Variants in DCLK1 observed in about 807,000 individuals in gnomAD.
DCLK1 encodes doublecortin like kinase 1.
A neutral mutation model predicts 86.2 loss-of-function variants in DCLK1; 16 were observed. That is an observed-to-expected ratio of 0.19 (90% CI 0.13 to 0.28). The LOEUF is 0.28. DCLK1 is among the 10% of genes least tolerant of loss of function. The pLI, the probability that DCLK1 is intolerant of heterozygous loss-of-function variation, is 1.00. For missense variants in DCLK1, 590 were observed against 940.2 expected (o/e 0.63, Z 4.87); for synonymous variants, 369 against 370.5 (o/e 1.00, Z 0.05).
At chr13:36,061,750 A>T (rs139977194) in intron 3 of DCLK1, among the ~76,000 whole-genome samples, 43 of 152,334 alleles carry the variant, frequency 2.8e-4, no homozygotes, top group Non-Finnish European at 5.7e-4. Context: ...TTAGTGTTTG[A>T]CAGAGAGCCC....
chr13:35,811,865 C>A (rs1321309189), intron 11 of DCLK1, among the ~76,000 whole-genome samples: 1 of 151,716 alleles, frequency 6.6e-6, no homozygotes, highest in East Asian at 1.9e-4. Flanking sequence ...TTTAAAAATG[C>A]AATTCTTTAG....
chr13:35,813,286 A>T lies in DCLK1; in HGVS notation c.1555-2318T>A, dbSNP rs142003932. Among the ~76,000 whole-genome samples the T allele has an allele frequency of 9.8e-5, 15 of 152,306 alleles. No homozygotes were observed. In the East Asian group the frequency reaches 2.9e-3, roughly 29 times the overall value. ...GATTGTAATTTATTCAACCCACTTG[A>T]TGCAGGAATTTTGTAGCTTTTTTCT... On this transcript the variant is annotated intron_variant, in intron 11 of 16. Coordinates refer to ENST00000360631, the MANE Select transcript of DCLK1 (RefSeq NM_001330071.2).
At chr13:35,924,739 T>G (rs534686512) in intron 4 of DCLK1, among the ~76,000 whole-genome samples, 2 of 152,322 alleles carry the variant, frequency 1.3e-5, no homozygotes, top group East Asian at 3.9e-4. Flanking sequence ...GGTCCATACC[T>G]CTCATTAAAT....
intron 4 of DCLK1, among the ~76,000 whole-genome samples, chr13:35,899,368 T>TGA (rs34255904): frequency 7.7e-6 from 1 of 130,442 alleles, no homozygotes; most frequent in African/African-American, 2.9e-5. Context: ...TGTGTGTGTG[T>TGA]GAGAGAGAGA....
At chr13:36,012,353 C>T (rs536912893) in intron 3 of DCLK1, among the ~76,000 whole-genome samples, 31 of 152,136 alleles carry the variant, frequency 2.0e-4, no homozygotes, top group South Asian at 1.7e-3. Flanking sequence ...CATGATTTTG[C>T]CACGGCTGTT....
At chr13:36,036,368 C>T (rs1343570625) in intron 3 of DCLK1, among the ~76,000 whole-genome samples, 5 of 152,218 alleles carry the variant, frequency 3.3e-5, no homozygotes, top group Non-Finnish European at 7.3e-5. Flanking sequence ...TCCAACACCA[C>T]CGGCTCGACC....
intron 3 of DCLK1, among the ~76,000 whole-genome samples, chr13:35,981,714 C>T (rs993537288): frequency 6.6e-6 from 1 of 152,130 alleles, no homozygotes; most frequent in Non-Finnish European, 1.5e-5. Flanking sequence ...TGGGTTGCTC[C>T]CACCTTTTGG....
intron 11 of DCLK1, 130 bp from the exon 12 acceptor site, chr13:35,811,098 G>T (rs1399285588): frequency 9.0e-7 from 1 of 1,115,622 alleles, no homozygotes; most frequent in Non-Finnish European, 1.3e-6. Context: ...AATTATGCAA[G>T]AATGGATATA....
intron 2 of DCLK1, among the ~76,000 whole-genome samples, 170 bp from the exon 3 acceptor site, chr13:36,112,385 A>G (rs2138191109): frequency 6.6e-6 from 1 of 152,322 alleles, no homozygotes; most frequent in African/African-American, 2.4e-5. Context: ...CTGATTGCTA[A>G]TCTGGCACTG....
rs140466007 is a variant in DCLK1, at chr13:35,912,526, C to T, written c.823+34832G>A. Among the ~76,000 whole-genome samples, 847 of 152,170 alleles carry T rather than the reference C, an allele frequency of 5.6e-3. 9 individuals carry two copies. The highest frequency in any genetic ancestry group is 0.028 in the South Asian group (134 of 4,812). On this transcript the variant is annotated intron_variant, in intron 4 of 16. Transcript: ENST00000360631. The stretch of plus-strand genomic sequence containing the variant: ...GGACAGCTAGACTTTGGAGGACAGA[C>T]GGCTTAACTTCAGGGAAGAGCCAGC...
chr13:35,788,462 C>T (rs1210342026), intron 16 of DCLK1, among the ~76,000 whole-genome samples: 1 of 152,310 alleles, frequency 6.6e-6, no homozygotes, highest in Non-Finnish European at 1.5e-5. Context: ...CAGGAAGTGA[C>T]ACCTCATGAC....
intron 14 of DCLK1, among the ~76,000 whole-genome samples, chr13:35,806,119 A>G (rs1486319887): frequency 1.3e-5 from 2 of 152,220 alleles, no homozygotes; most frequent in African/African-American, 4.8e-5. Flanking sequence ...AGATTTATTA[A>G]TTAGTTTAAT....
intron 4 of DCLK1, among the ~76,000 whole-genome samples, chr13:35,939,675 C>A (rs1166812441): frequency 6.6e-6 from 1 of 152,202 alleles, no homozygotes; most frequent in East Asian, 1.9e-4. Context: ...GGATCACAGG[C>A]ATGAGCCACC....
At chr13:35,781,672 T>C (rs777135216) in intron 16 of DCLK1, among the ~76,000 whole-genome samples, 4 of 152,222 alleles carry the variant, frequency 2.6e-5, no homozygotes, top group Non-Finnish European at 5.9e-5. Context: ...CCATCACATA[T>C]AGTCTTCATT....
At chr13:35,801,106 G>A (rs1183146561) in intron 15 of DCLK1, among the ~76,000 whole-genome samples, 1 of 152,180 alleles carries the variant, frequency 6.6e-6, no homozygotes, top group Admixed American at 6.5e-5. Flanking sequence ...AATGAGAGCA[G>A]AGAAAGTGCT....
chr13:36,098,288 G>A (rs1312780501), intron 3 of DCLK1, among the ~76,000 whole-genome samples: 1 of 152,214 alleles, frequency 6.6e-6, no homozygotes, highest in Non-Finnish European at 1.5e-5. Flanking sequence ...TGTTGTAACA[G>A]AAAATGTCTT....
At chr13:36,013,640 A>G (rs948497806) in intron 3 of DCLK1, among the ~76,000 whole-genome samples, 1 of 152,108 alleles carries the variant, frequency 6.6e-6, no homozygotes, top group Non-Finnish European at 1.5e-5. Context: ...AAGCTGTCAG[A>G]CAGGGACATT....
chr13:36,118,693 G>C (rs1030807862), intron 2 of DCLK1, among the ~76,000 whole-genome samples: 1 of 152,122 alleles, frequency 6.6e-6, no homozygotes, highest in Non-Finnish European at 1.5e-5. Flanking sequence ...GATTAAGAGA[G>C]AGAGACGTTA....
chr13:36,047,824 C>T (rs1882974039), intron 3 of DCLK1, among the ~76,000 whole-genome samples: 1 of 152,238 alleles, frequency 6.6e-6, no homozygotes, highest in African/African-American at 2.4e-5. Flanking sequence ...GGTGTGGTGG[C>T]TCATGCCTGT....
Sources: allele counts gnomAD v4.1 joint callset (sites outside exome capture counted in the v4.1 genomes callset), GRCh38; gene constraint gnomAD v4.1.1; transcripts MANE v1.5; gene names NCBI Gene and HGNC (gene_info 2026-07-23, HGNC 2026-07-21).